The following CD200R1 variants were observed in gnomAD, a reference collection of about 807,000 sequenced individuals.
The protein encoded by CD200R1 is cell surface glycoprotein CD200 receptor 1.
CD200R1 carries 30 observed loss-of-function variants against 38.1 expected under a neutral mutation model. The observed-to-expected ratio is 0.79, with a 90% CI of 0.59 to 1.07. The LOEUF is 1.07. Ranked by LOEUF, CD200R1 falls within the 50% of genes least tolerant of loss-of-function variation. CD200R1 has a pLI of 0.00. For synonymous variants in CD200R1, 128 were observed against 152.1 expected, an observed-to-expected ratio of 0.84 and a Z score of 1.16; for missense variants, 372 against 415.4, an observed-to-expected ratio of 0.90 and a Z score of 0.91.
At chr3:112,955,349 T>C (rs1272359312) in intron 1 of CD200R1, among the ~76,000 whole-genome samples, 1 of 152,174 alleles carries the variant, frequency 6.6e-6, no homozygotes, top group African/African-American at 2.4e-5. Context: ...CCCCTAATGT[T>C]ATTGTCTTGC....
rs376728848 is a variant in CD200R1, at chr3:112,964,605, T to C, written c.67+10186A>G. Among the ~76,000 whole-genome samples the C allele has an allele frequency of 1.2e-3, 179 of 152,356 alleles. 4 individuals are homozygous for C. The South Asian group carries it at 0.033, about 28-fold the overall frequency. On this transcript the variant is annotated intron_variant, in intron 1 of 7. Coordinates refer to ENST00000308611, the MANE Select transcript of CD200R1 (RefSeq NM_138806.4). ...GTATTTCACAATGCCTGTACCCCCA[T>C]TGTATCTAGGAAGTAACTAACTTGC...
At chr3:112,972,763 C>G (rs1404837226) in intron 1 of CD200R1, among the ~76,000 whole-genome samples, 1 of 152,186 alleles carries the variant, frequency 6.6e-6, no homozygotes, top group Non-Finnish European at 1.5e-5. Context: ...CAAATGAATA[C>G]TATGTTTTAC....
intron 5 of CD200R1, 103 bp from the exon 6 acceptor site, chr3:112,925,296 A>T: frequency 1.6e-6 from 1 of 615,382 alleles, no homozygotes; most frequent in East Asian, 3.1e-5. Flanking sequence ...CCATAAAAAG[A>T]CATAGAGGAA....
At chr3:112,970,529 G>C (rs1576157515) in intron 1 of CD200R1, among the ~76,000 whole-genome samples, 1 of 152,238 alleles carries the variant, frequency 6.6e-6, no homozygotes, top group East Asian at 1.9e-4. Flanking sequence ...ATCCCAGTCA[G>C]CAATTGACAA....
intron 1 of CD200R1, among the ~76,000 whole-genome samples, chr3:112,965,940 G>C (rs1420727236): frequency 6.8e-6 from 1 of 147,844 alleles, no homozygotes; most frequent in East Asian, 2.0e-4. Context: ...TTTCATCTCT[G>C]AGAGGCGAAC....
rs1940205705 is a variant in CD200R1, at chr3:112,923,003, T to C, written c.*674A>G. The C allele has an allele frequency of 6.6e-6, 1 of 151,872 alleles. No homozygotes were observed. Among genetic ancestry groups the C allele is most frequent in the Non-Finnish European group, 1.5e-5 (1 of 67,846 alleles). 9.4% of individuals were successfully genotyped at this position (151,872 alleles called of 1,614,324 possible). A position where few individuals can be genotyped will look rare whatever the true frequency, so the allele number is the denominator to read the frequency against. On this transcript the variant is annotated 3_prime_UTR_variant, in exon 8 of 8. Coordinates refer to ENST00000308611, the MANE Select transcript of CD200R1 (RefSeq NM_138806.4). ...ACAAGAAACATTCTATGTGGTATTG[T>C]TTATACCACAAACAAAACTTAAAAG...
Position 112,923,564 on chromosome 3 carries a change from C to A in CD200R1, c.*113G>T. 1 of 571,432 alleles carries A rather than the reference C, an allele frequency of 1.7e-6. No homozygotes were observed. The highest frequency in any genetic ancestry group is 3.1e-6 in the Non-Finnish European group (1 of 325,418). The allele number at this position is 571,432 out of a possible 1,614,324, so 35.4% of individuals were successfully genotyped here. A position where few individuals can be genotyped will look rare whatever the true frequency, so the allele number is the denominator to read the frequency against. ...AATCCATTAAAATGTCTTCTAAGAA[C>A]CTTGGAAAACCTAATTTCAATATAA... On this transcript the variant is annotated 3_prime_UTR_variant, in exon 8 of 8. Coordinates refer to ENST00000308611, the MANE Select transcript of CD200R1 (RefSeq NM_138806.4).
chr3:112,945,750 C>G (rs1019543606), intron 2 of CD200R1, among the ~76,000 whole-genome samples: 4 of 152,162 alleles, frequency 2.6e-5, no homozygotes, highest in African/African-American at 9.7e-5. Context: ...TGAAAAATTT[C>G]TAAGAGCAGT....
At chr3:112,927,842 T>C (rs964139907) in intron 5 of CD200R1, among the ~76,000 whole-genome samples, 4 of 152,148 alleles carry the variant, frequency 2.6e-5, no homozygotes, top group Non-Finnish European at 1.5e-5. Context: ...TAGTTCACGA[T>C]AGGTACATAC....
intron 1 of CD200R1, among the ~76,000 whole-genome samples, chr3:112,969,363 C>G (rs1439229245): frequency 6.6e-6 from 1 of 152,048 alleles, no homozygotes; most frequent in African/African-American, 2.4e-5. Context: ...ACCTACACTA[C>G]TAGAAACAAT....
At chr3:112,940,917 C>G (rs1160980945) in intron 2 of CD200R1, among the ~76,000 whole-genome samples, 2 of 151,566 alleles carry the variant, frequency 1.3e-5, no homozygotes, top group Non-Finnish European at 3.0e-5. Flanking sequence ...CGCCCAATAA[C>G]AAATGAATGG....
At chr3:112,932,786 A>C (rs140162956) in intron 2 of CD200R1, among the ~76,000 whole-genome samples, 1 of 152,010 alleles carries the variant, frequency 6.6e-6, no homozygotes, top group Non-Finnish European at 1.5e-5. Flanking sequence ...CATCCCCCCC[A>C]GGCCAGCCCA....
chr3:112,973,994 T>C (rs1238628894), intron 1 of CD200R1, among the ~76,000 whole-genome samples: 1 of 152,116 alleles, frequency 6.6e-6, no homozygotes, highest in Non-Finnish European at 1.5e-5. Flanking sequence ...CAGACATACA[T>C]CACAGACGCA....
chr3:112,971,096 G>A (rs1317465372), intron 1 of CD200R1, among the ~76,000 whole-genome samples: 2 of 151,580 alleles, frequency 1.3e-5, no homozygotes, highest in African/African-American at 2.4e-5. Context: ...TGTCCTTGGG[G>A]GATTAGTTCT....
chr3:112,944,480 A>AC (rs71134864), intron 2 of CD200R1, among the ~76,000 whole-genome samples: 90,697 of 151,590 alleles, frequency 0.6, 27,550 homozygotes, highest in African/African-American at 0.71. Flanking sequence ...ATAAAGAGAA[A>AC]TTTCTCAACT....
chr3:112,962,107 G>A lies in CD200R1; in HGVS notation c.67+12684C>T, dbSNP rs111686182. 6.7e-4 allele frequency among the ~76,000 whole-genome samples: 102 copies of A among 152,294 alleles called. 1 individual carries two copies. The highest frequency in any genetic ancestry group is 2.3e-3 in the African/African-American group (97 of 41,564). On this transcript the variant is annotated intron_variant, in intron 1 of 7. Coordinates refer to ENST00000308611, the MANE Select transcript of CD200R1 (RefSeq NM_138806.4). The stretch of plus-strand genomic sequence containing the variant: ...TACTTTTTAAGGCAATATAAAGTCT[G>A]TGGCAGTTATTAGGGTGTATTGCTA...
chr3:112,929,396 G>T lies in CD200R1; in HGVS notation c.314C>A (p.Pro105His). 1 of 1,613,986 alleles carries T rather than the reference G, an allele frequency of 6.2e-7. No homozygotes were observed. The highest frequency in any genetic ancestry group is 8.5e-7 in the Non-Finnish European group (1 of 1,179,900). Reference sequence around the variant, plus strand: ...TTTCTTGTAGGCTTTTGTGCAGGAAGGCTGGCCTCTCAGGATTATTTCCCA... The same window carrying T: ...TTTCTTGTAGGCTTTTGTGCAGGAATGCTGGCCTCTCAGGATTATTTCCCA... ...ITWEIILRGQ[P>H]SCTKAYKKET... is the part of the protein sequence containing the mutation. The change falls in exon 4 of 8, where the codon CCT becomes CAT. Residue 105 changes from proline to histidine, a missense_variant. Physicochemically the swap from Pro to His is moderately conservative, Grantham distance 77. Coordinates refer to ENST00000308611, the MANE Select transcript of CD200R1 (RefSeq NM_138806.4).
At chr3:112,947,165 T>C (rs1166696258) in intron 2 of CD200R1, among the ~76,000 whole-genome samples, 2 of 152,120 alleles carry the variant, frequency 1.3e-5, no homozygotes, top group African/African-American at 2.4e-5. Flanking sequence ...GATTTTTAGG[T>C]CAGTGAAATT....
intron 2 of CD200R1, among the ~76,000 whole-genome samples, chr3:112,942,310 G>A (rs1314469031): frequency 6.6e-6 from 1 of 151,568 alleles, no homozygotes; most frequent in Non-Finnish European, 1.5e-5. Flanking sequence ...ATGATACAAG[G>A]AAAGGAAGGA....
Sources: gnomAD v4.1 joint callset for allele counts (sites outside exome capture counted in the v4.1 genomes callset) on GRCh38, gnomAD v4.1.1 for gene constraint, MANE v1.5 for transcripts, NCBI Gene and HGNC (gene_info 2026-07-23, HGNC 2026-07-21) for gene names.